The following PTPRG variants were observed in gnomAD, a reference collection of about 807,000 sequenced individuals.
PTPRG encodes the protein receptor-type tyrosine-protein phosphatase gamma.
A neutral mutation model predicts 165.3 loss-of-function variants in PTPRG; 102 were observed. The ratio of observed to expected loss-of-function variants is 0.62; its 90% confidence interval spans 0.53 to 0.73. The LOEUF is 0.73. Ranked by LOEUF, PTPRG falls within the 30% of genes least tolerant of loss-of-function variation. PTPRG has a pLI of 0.00. For missense variants in PTPRG, 1,866 were observed against 1,861.4 expected (o/e 1.00, Z -0.05); for synonymous variants, 675 against 669.5 (o/e 1.01, Z -0.13).
In PTPRG at chr3:61,562,214, G is replaced by C. The variant is rs1699773537; in HGVS notation, c.-74G>C. On this transcript the variant is annotated 5_prime_UTR_variant, in exon 1 of 30. Coordinates refer to ENST00000474889, the MANE Select transcript of PTPRG (RefSeq NM_002841.4). ...GGGGAAGCGCCCCGGCTTAGCGGAG[G>C]CTCGCACGGAGGCAAGAACTTATTC... 5.7e-6 allele frequency: 8 copies of C among 1,397,906 alleles called. No individual in the cohort carries two copies. Among genetic ancestry groups the C allele is most frequent in the Admixed American group, 3.4e-5 (2 of 59,368 alleles). The allele number at this position is 1,397,906 out of a possible 1,614,324, so 86.6% of individuals were successfully genotyped here. A position where few individuals can be genotyped will look rare whatever the true frequency, so the allele number is the denominator to read the frequency against.
chr3:61,752,805 A>AAAAG (rs1383068698), intron 2 of PTPRG, among the ~76,000 whole-genome samples: 9 of 149,966 alleles, frequency 6.0e-5, no homozygotes, highest in African/African-American at 2.2e-4. Context: ...AAAAAAAGAA[A>AAAAG]AAAAAAAAGA....
chr3:62,223,634 C>T (rs953810512), intron 13 of PTPRG, among the ~76,000 whole-genome samples: 2 of 152,118 alleles, frequency 1.3e-5, no homozygotes, highest in South Asian at 2.1e-4. Flanking sequence ...CACAAGTTCA[C>T]GTGAGGATTC....
chr3:62,249,601 T>C (rs1481211853), intron 15 of PTPRG, among the ~76,000 whole-genome samples: 1 of 152,186 alleles, frequency 6.6e-6, no homozygotes, highest in African/African-American at 2.4e-5. Context: ...ATGGTATTTA[T>C]ATAAATACTC....
chr3:62,044,630 C>T (rs1247953911), intron 4 of PTPRG, among the ~76,000 whole-genome samples: 1 of 151,944 alleles, frequency 6.6e-6, no homozygotes, highest in East Asian at 1.9e-4. Flanking sequence ...GCATTTAATA[C>T]ACACAGTAAC....
At chr3:62,034,296 T>C (rs1699871159) in intron 4 of PTPRG, among the ~76,000 whole-genome samples, 1 of 152,228 alleles carries the variant, frequency 6.6e-6, no homozygotes, top group Non-Finnish European at 1.5e-5. Flanking sequence ...CAAACTCATG[T>C]TATTAAAGGG....
chr3:61,878,389 G>A (rs1259469033), intron 2 of PTPRG, among the ~76,000 whole-genome samples: 1 of 152,152 alleles, frequency 6.6e-6, no homozygotes, highest in Non-Finnish European at 1.5e-5. Context: ...GTCAGGATAA[G>A]CAATACAAAA....
At chr3:61,814,516 T>G (rs573283609) in intron 2 of PTPRG, among the ~76,000 whole-genome samples, 2 of 152,004 alleles carry the variant, frequency 1.3e-5, no homozygotes. Flanking sequence ...TAGCCCCGTA[T>G]GTTTTCTGCT....
chr3:62,122,880 T>C lies in PTPRG; in HGVS notation c.616-9722T>C, dbSNP rs17066121. Among the ~76,000 whole-genome samples the C allele has an allele frequency of 3.1e-3, 477 of 152,020 alleles. 7 individuals carry two copies. The East Asian group carries it at 0.037, about 12-fold the overall frequency. On this transcript the variant is annotated intron_variant, in intron 5 of 29. Coordinates refer to ENST00000474889, the MANE Select transcript of PTPRG (RefSeq NM_002841.4). The stretch of plus-strand genomic sequence containing the variant: ...AGCTGATGCAGCAGTGTAAGGAAAA[T>C]GGTGTTGTGTGGGTTCATTACAGAA...
chr3:62,251,544 G>A (rs1215692176), intron 15 of PTPRG, among the ~76,000 whole-genome samples: 4 of 152,092 alleles, frequency 2.6e-5, no homozygotes, highest in Non-Finnish European at 5.9e-5. Context: ...ACTGGGGTGG[G>A]AGGATCACTT....
At chr3:61,721,470 T>C (rs1404836013) in intron 1 of PTPRG, among the ~76,000 whole-genome samples, 1 of 152,216 alleles carries the variant, frequency 6.6e-6, no homozygotes, top group South Asian at 2.1e-4. Flanking sequence ...GGTAGAGATG[T>C]GTCTAGAGAA....
intron 1 of PTPRG, among the ~76,000 whole-genome samples, chr3:61,609,055 T>C (rs570039006): frequency 3.4e-4 from 52 of 152,266 alleles, no homozygotes; most frequent in African/African-American, 1.2e-3. Flanking sequence ...CTTTGGTCTC[T>C]AGAGAGGGTT....
chr3:62,064,580 A>G (rs994689158), intron 4 of PTPRG, among the ~76,000 whole-genome samples: 1 of 152,128 alleles, frequency 6.6e-6, no homozygotes, highest in Non-Finnish European at 1.5e-5. Flanking sequence ...ATGGTGGGGC[A>G]TAGATACTTG....
chr3:62,262,257 G>T (rs1445669241), intron 16 of PTPRG: 1 of 152,126 alleles, frequency 6.6e-6, no homozygotes, highest in South Asian at 2.1e-4. Context: ...CTGTTATTAG[G>T]GTTATTTCAG....
chr3:62,082,280 C>T (rs1004153353), intron 5 of PTPRG, among the ~76,000 whole-genome samples: 1 of 152,084 alleles, frequency 6.6e-6, no homozygotes, highest in Non-Finnish European at 1.5e-5. Flanking sequence ...TTTTGGCTTT[C>T]TGTCTGCCTT....
chr3:61,795,752 C>T (rs915311542), intron 2 of PTPRG, among the ~76,000 whole-genome samples: 2 of 150,712 alleles, frequency 1.3e-5, no homozygotes, highest in Non-Finnish European at 2.9e-5. Context: ...TTAGTATATA[C>T]CGGCTATTTT....
At chr3:61,792,148 A>T (rs2034894846) in intron 2 of PTPRG, among the ~76,000 whole-genome samples, 1 of 151,930 alleles carries the variant, frequency 6.6e-6, no homozygotes, top group African/African-American at 2.4e-5. Context: ...AGTGTCACCA[A>T]AGGGGACTCT....
intron 4 of PTPRG, among the ~76,000 whole-genome samples, chr3:62,007,200 A>G (rs1268321903): frequency 2.6e-5 from 4 of 152,196 alleles, no homozygotes; most frequent in African/African-American, 9.6e-5. Flanking sequence ...CAGCAAACTC[A>G]ACTTTGTAGG....
At chr3:61,595,072 C>G (rs886738837) in intron 1 of PTPRG, among the ~76,000 whole-genome samples, 4 of 151,910 alleles carry the variant, frequency 2.6e-5, no homozygotes, top group Non-Finnish European at 5.9e-5. Context: ...TCAAAACACA[C>G]AGATGACGGT....
At chr3:61,844,640 G>A (rs965858814) in intron 2 of PTPRG, among the ~76,000 whole-genome samples, 1 of 138,414 alleles carries the variant, frequency 7.2e-6, no homozygotes, top group Non-Finnish European at 1.5e-5. Flanking sequence ...GACTATAGGT[G>A]TACGCCGCCA....
Sources: gnomAD v4.1 joint callset for allele counts (sites outside exome capture counted in the v4.1 genomes callset) on GRCh38, gnomAD v4.1.1 for gene constraint, MANE v1.5 for transcripts, NCBI Gene and HGNC (gene_info 2026-07-23, HGNC 2026-07-21) for gene names.